The following OSTN variants were observed in gnomAD, a reference collection of about 807,000 sequenced individuals.
The protein encoded by OSTN is osteocrin.
In OSTN, 9 loss-of-function variants were observed where a neutral mutation model predicts 12.0. The observed-to-expected ratio is 0.75, with a 90% CI of 0.45 to 1.30. The LOEUF (loss-of-function observed/expected upper bound fraction) is 1.30. Ranked by LOEUF, OSTN falls within the 50% of genes most tolerant of loss-of-function variation. OSTN has a pLI of 0.00. For missense variants in OSTN, 148 were observed against 152.3 expected (o/e 0.97, Z 0.15); for synonymous variants, 59 against 56.9 (o/e 1.04, Z -0.16).
chr3:191,225,444 A>C (rs944769621), intron 3 of OSTN, among the ~76,000 whole-genome samples: 7 of 152,140 alleles, frequency 4.6e-5, no homozygotes, highest in Non-Finnish European at 1.0e-4. Context: ...ATATTTTTTT[A>C]AAGGAAATTT....
intron 4 of OSTN, among the ~76,000 whole-genome samples, chr3:191,252,317 G>A (rs530182326): frequency 4.6e-5 from 7 of 152,190 alleles, no homozygotes; most frequent in South Asian, 2.1e-4. Context: ...CTCCTGCCTC[G>A]GCCTCCCAAA....
chr3:191,207,789 T>C (rs1436678517), intron 1 of OSTN, among the ~76,000 whole-genome samples: 2 of 152,150 alleles, frequency 1.3e-5, no homozygotes, highest in Non-Finnish European at 2.9e-5. Context: ...ATATACAATA[T>C]ATCCCAAACA....
At chr3:191,200,363 A>G (rs1054690918) in intron 1 of OSTN, among the ~76,000 whole-genome samples, 8 of 152,114 alleles carry the variant, frequency 5.3e-5, no homozygotes, top group Admixed American at 3.3e-4. Flanking sequence ...AGGATTTTTA[A>G]CTGATTCTTA....
At chr3:191,248,070 G>A (rs922516828) in intron 3 of OSTN, among the ~76,000 whole-genome samples, 1 of 152,070 alleles carries the variant, frequency 6.6e-6, no homozygotes, top group African/African-American at 2.4e-5. Context: ...CAGACCTCAA[G>A]TGACCTGCCC....
At chr3:191,238,747 T>C (rs934322491) in intron 3 of OSTN, among the ~76,000 whole-genome samples, 4 of 152,240 alleles carry the variant, frequency 2.6e-5, no homozygotes, top group African/African-American at 9.6e-5. Flanking sequence ...TGGGCCATTG[T>C]TGCCAGTGAC....
At position 191,212,587 on chromosome 3, in the gene OSTN, C is replaced by G; in HGVS notation, c.55C>G (p.Leu19Val). 6.3e-7 allele frequency: 1 copy of G among 1,592,868 alleles called. No homozygotes were observed. The highest frequency in any genetic ancestry group is 8.6e-7 in the Non-Finnish European group (1 of 1,166,504). Residue 19 changes from leucine (L) to valine (V), a missense_variant, in exon 2 of 5, where the codon CTG (leucine) becomes GTG (valine). Leu to Val is a conservative substitution (Grantham distance 32). Coordinates refer to ENST00000682035, the MANE Select transcript of OSTN (RefSeq NM_198184.2). Reference sequence around the variant, plus strand: ...TTTCATCCTGGCTGTGACACTGACACTGTGGAGCTCAGGAAAAGTCCTCTC... The same window carrying G: ...TTTCATCCTGGCTGTGACACTGACAGTGTGGAGCTCAGGAAAAGTCCTCTC... ...AHFILAVTLTLWSSGKVLSVD... is the reference protein window; with the variant it reads ...AHFILAVTLTVWSSGKVLSVD...
At chr3:191,249,205 A>G (rs894515394) in intron 3 of OSTN, among the ~76,000 whole-genome samples, 2 of 152,142 alleles carry the variant, frequency 1.3e-5, no homozygotes, top group Admixed American at 1.3e-4. Flanking sequence ...CTCTTTCTTC[A>G]TAAAGATTCA....
At chr3:191,223,079 T>C (rs1398149212) in intron 3 of OSTN, among the ~76,000 whole-genome samples, 5 of 152,166 alleles carry the variant, frequency 3.3e-5, no homozygotes, top group African/African-American at 1.2e-4. Context: ...ATGTCCTTCA[T>C]AGCAGTGTGA....
intron 4 of OSTN, among the ~76,000 whole-genome samples, chr3:191,255,548 CAT>C (rs1715651903): frequency 6.6e-6 from 1 of 152,132 alleles, no homozygotes; most frequent in Non-Finnish European, 1.5e-5. Context: ...AAAAACAAAA[CAT>C]ATTCTTGCTG....
intron 1 of OSTN, among the ~76,000 whole-genome samples, chr3:191,200,610 G>A (rs1414206804): frequency 1.3e-5 from 2 of 151,854 alleles, no homozygotes; most frequent in Admixed American, 6.6e-5. Context: ...CCTTAAGCAC[G>A]AATTAAGGCT....
intron 3 of OSTN, among the ~76,000 whole-genome samples, chr3:191,241,167 CTTTTTTTTTTTTTTT>C (rs575332839): frequency 0.031 from 1,458 of 46,502 alleles, 39 homozygotes; most frequent in Middle Eastern, 0.1. Context: ...TGTGCCTTGA[CTTTTTTTTTTTTTTT>C]TTTTTTTTTT....
At chr3:191,253,806 A>G (rs1280168829) in intron 4 of OSTN, among the ~76,000 whole-genome samples, 1 of 152,226 alleles carries the variant, frequency 6.6e-6, no homozygotes, top group African/African-American at 2.4e-5. Context: ...ACAGATGCAA[A>G]TTTCCCCCAC....
chr3:191,227,925 T>C lies in OSTN; in HGVS notation c.317+8964T>C, dbSNP rs144594299. On this transcript the variant is annotated intron_variant, in intron 3 of 4. Transcript: ENST00000682035. ...AATTTTATTTAACACGTTCAACTTA[T>C]AACTTTATTTCATTTTTTCCATGCC... Among the ~76,000 whole-genome samples the C allele has an allele frequency of 1.6e-3, 251 of 152,316 alleles. 1 individual carries two copies. The highest frequency in any genetic ancestry group is 5.6e-3 in the African/African-American group (234 of 41,576).
intron 4 of OSTN, among the ~76,000 whole-genome samples, chr3:191,251,809 G>C (rs1159374554): frequency 1.3e-5 from 2 of 152,108 alleles, no homozygotes; most frequent in Non-Finnish European, 2.9e-5. Flanking sequence ...CACTCTTCAA[G>C]GTTGTTAAAA....
At chr3:191,251,523 C>A (rs1715561035) in intron 4 of OSTN, among the ~76,000 whole-genome samples, 1 of 152,170 alleles carries the variant, frequency 6.6e-6, no homozygotes, top group South Asian at 2.1e-4. Flanking sequence ...CTGATCTTGT[C>A]TTAATTTAAA....
At chr3:191,237,881 G>A (rs1560121123) in intron 3 of OSTN, among the ~76,000 whole-genome samples, 5 of 152,140 alleles carry the variant, frequency 3.3e-5, no homozygotes, top group Admixed American at 1.3e-4. Context: ...TCCTGTTCAT[G>A]CCCCAGTACA....
intron 4 of OSTN, among the ~76,000 whole-genome samples, chr3:191,250,620 C>G (rs935159240): frequency 2.6e-5 from 4 of 152,136 alleles, no homozygotes; most frequent in Non-Finnish European, 5.9e-5. Flanking sequence ...AACACTTTAT[C>G]CAAATCCTGA....
intron 4 of OSTN, 63 bp from the exon 5 acceptor site, chr3:191,262,803 G>A: frequency 1.4e-6 from 1 of 692,196 alleles, no homozygotes; most frequent in Middle Eastern, 2.3e-4. Flanking sequence ...TGAAGTTGAT[G>A]GACTTCCACC....
intron 3 of OSTN, among the ~76,000 whole-genome samples, chr3:191,227,960 C>G (rs1234552533): frequency 6.6e-6 from 1 of 152,118 alleles, no homozygotes; most frequent in African/African-American, 2.4e-5. Flanking sequence ...CACGAATCCC[C>G]TTTCTTATTT....
Sources: allele counts gnomAD v4.1 joint callset (sites outside exome capture counted in the v4.1 genomes callset), GRCh38; gene constraint gnomAD v4.1.1; transcripts MANE v1.5; gene names NCBI Gene and HGNC (gene_info 2026-07-23, HGNC 2026-07-21).